Variants in DNAH8 observed in about 807,000 individuals in gnomAD.
DNAH8 encodes dynein axonemal heavy chain 8, also known as axonemal beta dynein heavy chain 8.
DNAH8 carries 382 observed loss-of-function variants against 562.1 expected under a neutral mutation model. That is an observed-to-expected ratio of 0.68 (90% CI 0.63 to 0.74). The LOEUF is 0.74. Among genes scored for constraint, DNAH8 ranks in the 30% least tolerant of loss-of-function variants. DNAH8 has a pLI of 0.00. For synonymous variants in DNAH8, 1,881 were observed against 1,919.4 expected (o/e 0.98, Z 0.52); for missense variants, 5,203 against 5,620.4 (o/e 0.93, Z 2.37).
At chr6:38,995,057 CTCT>C (rs1232349560) in intron 88 of DNAH8, among the ~76,000 whole-genome samples, 1 of 108,266 alleles carries the variant, frequency 9.2e-6, no homozygotes, top group Non-Finnish European at 2.0e-5. Flanking sequence ...CCCCTCATTG[CTCT>C]TTTTTTTTTT....
intron 57 of DNAH8, 34 bp from the exon 58 acceptor site, chr6:38,890,618 T>C: frequency 6.9e-7 from 1 of 1,443,312 alleles, no homozygotes; most frequent in Non-Finnish European, 9.8e-7. Flanking sequence ...AATCTTTTGG[T>C]AAGCTTATAC....
At chr6:38,970,077 C>T (rs1763232512) in intron 82 of DNAH8, among the ~76,000 whole-genome samples, 1 of 152,174 alleles carries the variant, frequency 6.6e-6, no homozygotes, top group Admixed American at 6.5e-5. Flanking sequence ...TGACCCAATA[C>T]CTGGATCAAG....
rs756700444 is a variant in DNAH8 at position 39,030,128 on chromosome 6, C to T, written c.13860C>T (p.Leu4620=). 1.2e-6 allele frequency: 2 copies of T among 1,613,904 alleles called. No individual in the cohort carries two copies. Among genetic ancestry groups the T allele is most frequent in the East Asian group, 4.5e-5 (2 of 44,876 alleles). The part of the protein sequence containing the change: ...PPGEGVYIYG[L]YMDGAAWDRR... ...AGGAAGGTGTGTATATTTATGGGCT[C>T]TACATGGATGGAGCAGCCTGGGACA... The change falls in exon 93 of 93, where the codon CTC becomes CTT. Residue 4620 remains leucine, a synonymous_variant. Transcript: ENST00000327475.
At chr6:38,942,897 AG>A (rs1255421078) in intron 79 of DNAH8, among the ~76,000 whole-genome samples, 2 of 152,214 alleles carry the variant, frequency 1.3e-5, no homozygotes, top group Non-Finnish European at 1.5e-5. Flanking sequence ...TATTTGAAAG[AG>A]GGTGGGTAAA....
At chr6:38,926,231 G>C in intron 74 of DNAH8, 21 bp downstream of exon 74, 1 of 1,604,644 alleles carries the variant, frequency 6.2e-7, no homozygotes, top group Non-Finnish European at 8.5e-7. Flanking sequence ...TTTGGTGCAG[G>C]GGAAAGTAAT....
In DNAH8 at chr6:38,834,867, C is replaced by T. The variant is rs1448732124; in HGVS notation, c.4365+226C>T. 5.3e-5 allele frequency among the ~76,000 whole-genome samples: 8 copies of T among 152,138 alleles called. No individual in the cohort carries two copies. The South Asian group carries it at 1.5e-3, about 28-fold the overall frequency. On this transcript the variant is annotated intron_variant, in intron 32 of 92. Transcript: ENST00000327475. ...TTTAGAGAATAAGACTGATTCTCAACTTAAGAATATAACTTATTTTAGTTC... is the reference window on the plus strand; with the variant it reads ...TTTAGAGAATAAGACTGATTCTCAATTTAAGAATATAACTTATTTTAGTTC...
At chr6:39,015,440 C>G (rs1239666704) in intron 91 of DNAH8, among the ~76,000 whole-genome samples, 3 of 152,138 alleles carry the variant, frequency 2.0e-5, no homozygotes, top group Non-Finnish European at 4.4e-5. Flanking sequence ...AATAGTAATC[C>G]CAGTGACTGG....
chr6:38,794,768 A>G (rs1294663602), intron 21 of DNAH8, among the ~76,000 whole-genome samples: 4 of 152,214 alleles, frequency 2.6e-5, no homozygotes, highest in Non-Finnish European at 5.9e-5. Flanking sequence ...GCTGTATAGT[A>G]TTACATAATA....
intron 61 of DNAH8, among the ~76,000 whole-genome samples, chr6:38,899,357 T>G (rs1191036760): frequency 6.6e-6 from 1 of 152,230 alleles, no homozygotes; most frequent in Admixed American, 6.5e-5. Context: ...CATTGTTGAG[T>G]TAGGTGTCTA....
At chr6:38,920,443 ATTAT>A (rs1781614206) in intron 70 of DNAH8, among the ~76,000 whole-genome samples, 1 of 152,222 alleles carries the variant, frequency 6.6e-6, no homozygotes, top group Non-Finnish European at 1.5e-5. Flanking sequence ...TATTTTACTG[ATTAT>A]TTTAAATTTA....
At chr6:38,750,637 C>G (rs1765359838) in intron 9 of DNAH8, 48 bp downstream of exon 9, 1 of 1,180,432 alleles carries the variant, frequency 8.5e-7, no homozygotes, top group African/African-American at 1.5e-5. Context: ...CAGTGGCTCG[C>G]ATCTGTGATT....
intron 91 of DNAH8, among the ~76,000 whole-genome samples, chr6:39,021,260 G>C (rs983122612): frequency 3.9e-5 from 6 of 152,168 alleles, no homozygotes; most frequent in Admixed American, 2.0e-4. Context: ...GTATCACCTG[G>C]GAGCTTGATT....
rs1444749852 is a variant in DNAH8, at chr6:38,927,743, A to C, written c.11118+1533A>C. On this transcript the variant is annotated intron_variant, in intron 74 of 92. Coordinates refer to ENST00000327475, the MANE Select transcript of DNAH8 (RefSeq NM_001206927.2). ...GTATCACTTGGACATGAATGCTGCT[A>C]TTTTTTCTGATCTTAGCTTTATCTC... Among the ~76,000 whole-genome samples the C allele has an allele frequency of 2.0e-5, 3 of 152,086 alleles. No individual in the cohort carries two copies. The South Asian group carries it at 6.2e-4, about 32-fold the overall frequency.
intron 53 of DNAH8, among the ~76,000 whole-genome samples, chr6:38,877,568 G>A (rs751436347): frequency 1.3e-5 from 2 of 152,094 alleles, no homozygotes; most frequent in African/African-American, 2.4e-5. Context: ...TTATTTGCCC[G>A]AGCCTTTGTG....
At position 38,908,229 on chromosome 6, in the gene DNAH8, T is replaced by C. The variant is rs1033171006; in HGVS notation, c.9513+109T>C. On this transcript the variant is annotated intron_variant, in intron 64 of 92. Coordinates refer to ENST00000327475, the MANE Select transcript of DNAH8 (RefSeq NM_001206927.2). The stretch of plus-strand genomic sequence containing the variant: ...GATCTTAGAAATTAATATTTTTACA[T>C]TGAATTAAAATTAACACTTTTGTAC... 2.1e-5 allele frequency: 13 copies of C among 621,272 alleles called. No homozygotes were observed. In the East Asian group the frequency reaches 3.2e-4, roughly 15 times the overall value. The allele number at this position is 621,272 out of a possible 1,614,324, so 38.5% of individuals were successfully genotyped here. A position where few individuals can be genotyped will look rare whatever the true frequency, so the allele number is the denominator to read the frequency against.
intron 86 of DNAH8, among the ~76,000 whole-genome samples, chr6:38,982,927 GT>G (rs1451250477): frequency 1.3e-5 from 2 of 151,932 alleles, no homozygotes; most frequent in African/African-American, 4.8e-5. Flanking sequence ...AGTTTTCAAA[GT>G]TCTCATGTGT....
At chr6:39,014,724 A>T (rs944768215) in intron 91 of DNAH8, among the ~76,000 whole-genome samples, 1 of 152,188 alleles carries the variant, frequency 6.6e-6, no homozygotes, top group Non-Finnish European at 1.5e-5. Context: ...GAGCAAAAAC[A>T]AGTCTTGTTC....
intron 85 of DNAH8, among the ~76,000 whole-genome samples, chr6:38,979,188 C>T (rs892152266): frequency 1.3e-5 from 2 of 152,224 alleles, no homozygotes; most frequent in South Asian, 2.1e-4. Flanking sequence ...TTTTATTCTT[C>T]CCAGAAGCCT....
chr6:38,867,592 A>AAG (rs1207867899), intron 47 of DNAH8, among the ~76,000 whole-genome samples: 4 of 151,034 alleles, frequency 2.6e-5, no homozygotes, highest in African/African-American at 7.3e-5. Flanking sequence ...AAAATACAAA[A>AAG]AAAAAAAAAA....
Sources: allele counts gnomAD v4.1 joint callset (sites outside exome capture counted in the v4.1 genomes callset), GRCh38; gene constraint gnomAD v4.1.1; transcripts MANE v1.5; gene names NCBI Gene and HGNC (gene_info 2026-07-23, HGNC 2026-07-21).